The following MRPL13 variants were observed in gnomAD, a reference collection of about 807,000 sequenced individuals.
The protein encoded by MRPL13 is mitochondrial ribosomal protein L13.
Under a neutral mutation model 29.0 loss-of-function variants are expected in MRPL13, and 33 were observed. That is an observed-to-expected ratio of 1.14 (90% confidence interval 0.86 to 1.52). The LOEUF (loss-of-function observed/expected upper bound fraction) is 1.52. Among genes scored for constraint, MRPL13 ranks in the 40% most tolerant of loss-of-function variants. The probability of loss-of-function intolerance (pLI) is 0.00; values close to 1 mark genes in which losing one functional copy is unlikely to be tolerated. For synonymous variants in MRPL13, 77 were observed against 68.4 expected (o/e 1.13, Z -0.62); for missense variants, 227 against 216.7 (o/e 1.05, Z -0.30).
intron 6 of MRPL13, among the ~76,000 whole-genome samples, chr8:120,405,801 A>G (rs1279742692): frequency 6.6e-6 from 1 of 152,218 alleles, no homozygotes; most frequent in Non-Finnish European, 1.5e-5. Flanking sequence ...TGTTGCTTAC[A>G]TACCCTATTT....
chr8:120,440,537 G>A lies in MRPL13; in HGVS notation c.151+2648C>T, dbSNP rs1461564952. Among the ~76,000 whole-genome samples the A allele has an allele frequency of 2.6e-5, 4 of 151,530 alleles. No individual in the cohort carries two copies. The East Asian group carries it at 7.8e-4, about 29-fold the overall frequency. On this transcript the variant is annotated intron_variant, in intron 2 of 6. Coordinates refer to ENST00000306185, the MANE Select transcript of MRPL13 (RefSeq NM_014078.6). ...GGAGAAATGCTTGAACCCAGGAGGC[G>A]GAGGTTGCAGTGAGCCAAGATTGGG... is the stretch of plus-strand genomic sequence containing the variant.
At chr8:120,434,400 C>T (rs1039952639) in intron 2 of MRPL13, among the ~76,000 whole-genome samples, 1 of 152,116 alleles carries the variant, frequency 6.6e-6, no homozygotes, top group African/African-American at 2.4e-5. Context: ...TGCCTGCTAC[C>T]ACTTTTACTA....
At chr8:120,444,933 G>T in intron 1 of MRPL13, 135 bp downstream of exon 1, 1 of 1,125,760 alleles carries the variant, frequency 8.9e-7, no homozygotes, top group Non-Finnish European at 1.3e-6. Context: ...ACCCTCTTGT[G>T]CTTTCCCAAG....
chr8:120,412,855 T>C (rs1812755170), intron 6 of MRPL13, among the ~76,000 whole-genome samples: 1 of 152,180 alleles, frequency 6.6e-6, no homozygotes, highest in Admixed American at 6.5e-5. Context: ...CTTGAATCCT[T>C]AATATACCAT....
intron 4 of MRPL13, among the ~76,000 whole-genome samples, chr8:120,421,429 A>G (rs551758784): frequency 2.0e-5 from 3 of 151,992 alleles, no homozygotes; most frequent in African/African-American, 4.8e-5. Context: ...TAGTATTCCA[A>G]TACTGTACTA....
Position 120,397,102 on chromosome 8 carries a change from T to C in MRPL13, c.516-977A>G, listed in dbSNP as rs188737162. 1.5e-3 allele frequency among the ~76,000 whole-genome samples: 234 copies of C among 152,016 alleles called. 1 individual carries two copies. Among genetic ancestry groups the C allele is most frequent in the African/African-American group, 5.3e-3 (219 of 41,476 alleles). ...ACTCCCAGCCACGGGAAGCAGTGAG[T>C]GATTGTGTGACCCCCACCTGGGAAA... On this transcript the variant is annotated intron_variant, in intron 6 of 6. Coordinates refer to ENST00000306185, the MANE Select transcript of MRPL13 (RefSeq NM_014078.6).
chr8:120,427,867 C>A (rs1812948591), intron 3 of MRPL13, among the ~76,000 whole-genome samples: 1 of 151,978 alleles, frequency 6.6e-6, no homozygotes, highest in Non-Finnish European at 1.5e-5. Flanking sequence ...ACACTCCATG[C>A]TCATGGATAG....
At chr8:120,419,984 T>C (rs199947630) in intron 4 of MRPL13, 46 bp from the exon 5 acceptor site, 8 of 1,284,938 alleles carry the variant, frequency 6.2e-6, no homozygotes, top group African/African-American at 4.5e-5. Flanking sequence ...TGACTTGCGA[T>C]AGTAAGAAAG....
chr8:120,434,843 C>T (rs775416692), intron 2 of MRPL13, among the ~76,000 whole-genome samples: 2 of 152,096 alleles, frequency 1.3e-5, no homozygotes, highest in African/African-American at 2.4e-5. Flanking sequence ...AAACTATTTG[C>T]AGTTTTTGCC....
chr8:120,414,607 T>C (rs1812783710), intron 5 of MRPL13: 1 of 152,216 alleles, frequency 6.6e-6, no homozygotes, highest in African/African-American at 2.4e-5. Flanking sequence ...TTCTAAAGGC[T>C]TATAATTTTT....
chr8:120,443,509 A>G (rs961448614), intron 1 of MRPL13, among the ~76,000 whole-genome samples: 1 of 152,086 alleles, frequency 6.6e-6, no homozygotes, highest in Non-Finnish European at 1.5e-5. Flanking sequence ...TTTTCTAATC[A>G]TTCTGCAAAG....
chr8:120,408,593 A>G (rs936220142), intron 6 of MRPL13, among the ~76,000 whole-genome samples: 24 of 152,184 alleles, frequency 1.6e-4, no homozygotes, highest in African/African-American at 5.8e-4. Context: ...AGAGCAGCAA[A>G]TTAAGTTAAA....
At chr8:120,445,006 A>C in intron 1 of MRPL13, 62 bp downstream of exon 1, 2 of 1,610,338 alleles carry the variant, frequency 1.2e-6, no homozygotes, top group Non-Finnish European at 1.7e-6. Flanking sequence ...AATCTGCCGG[A>C]ACCAACGCTC....
At chr8:120,407,517 G>A (rs1812687953) in intron 6 of MRPL13, among the ~76,000 whole-genome samples, 1 of 151,890 alleles carries the variant, frequency 6.6e-6, no homozygotes. Flanking sequence ...GTGGTGGCGG[G>A]CTCCTGTAAT....
chr8:120,444,457 C>T (rs140201256), intron 1 of MRPL13, among the ~76,000 whole-genome samples: 4 of 152,300 alleles, frequency 2.6e-5, no homozygotes, highest in Middle Eastern at 3.4e-3. Flanking sequence ...TCTTCTTTTG[C>T]TGTTGGCCTA....
At chr8:120,406,595 T>A (rs979902958) in intron 6 of MRPL13, among the ~76,000 whole-genome samples, 1 of 146,576 alleles carries the variant, frequency 6.8e-6, no homozygotes, top group Non-Finnish European at 1.5e-5. Context: ...GTGTGTGTAA[T>A]TGTTATCTAA....
At position 120,435,630 on chromosome 8, in the gene MRPL13, C is replaced by T. The variant is rs190061977; in HGVS notation, c.152-3507G>A. 4.7e-4 allele frequency among the ~76,000 whole-genome samples: 72 copies of T among 152,120 alleles called. 1 individual carries two copies. Among genetic ancestry groups the T allele is most frequent in the South Asian group, 1.0e-3 (5 of 4,820 alleles). ...CACTGATGGGCACTTAGGTTGATGA[C>T]GTATCTTTGCTATTATGAACAGTGC... On this transcript the variant is annotated intron_variant, in intron 2 of 6. Coordinates refer to ENST00000306185, the MANE Select transcript of MRPL13 (RefSeq NM_014078.6).
intron 6 of MRPL13, among the ~76,000 whole-genome samples, chr8:120,398,946 C>A (rs899585695): frequency 6.6e-6 from 1 of 151,938 alleles, no homozygotes; most frequent in African/African-American, 2.4e-5. Flanking sequence ...AACACACACA[C>A]ACACACACAG....
chr8:120,444,864 T>C (rs878868000), intron 1 of MRPL13: 77 of 406,066 alleles, frequency 1.9e-4, no homozygotes, highest in South Asian at 8.6e-4. Flanking sequence ...AAAGGGCAGA[T>C]TGAAAAGAAG....
Sources: allele counts gnomAD v4.1 joint callset (sites outside exome capture counted in the v4.1 genomes callset), GRCh38; gene constraint gnomAD v4.1.1; transcripts MANE v1.5; gene names NCBI Gene and HGNC (gene_info 2026-07-23, HGNC 2026-07-21).